Variants in CNTNAP2 observed in about 807,000 individuals in gnomAD.
The protein encoded by CNTNAP2 is contactin associated protein 2.
Under a neutral mutation model 155.2 loss-of-function variants are expected in CNTNAP2, and 98 were observed. That is an observed-to-expected ratio of 0.63 (90% CI 0.54 to 0.75). CNTNAP2 has a LOEUF of 0.75. Ranked by LOEUF, CNTNAP2 falls within the 30% of genes least tolerant of loss-of-function variation. CNTNAP2 has a pLI of 0.00. For synonymous variants in CNTNAP2, 651 were observed against 631.2 expected (o/e 1.03, Z -0.47); for missense variants, 1,727 against 1,688.1 (o/e 1.02, Z -0.40).
chr7:147,838,932 A>G (rs1296954616), intron 13 of CNTNAP2, among the ~76,000 whole-genome samples: 1 of 152,144 alleles, frequency 6.6e-6, no homozygotes, highest in Middle Eastern at 3.2e-3. Context: ...GATAGGATAG[A>G]CATATATATA....
At chr7:147,732,795 G>A (rs1367284538) in intron 13 of CNTNAP2, among the ~76,000 whole-genome samples, 1 of 152,176 alleles carries the variant, frequency 6.6e-6, no homozygotes, top group Admixed American at 6.5e-5. Context: ...CAGTGATGAT[G>A]AGCATTTTTT....
intron 1 of CNTNAP2, among the ~76,000 whole-genome samples, chr7:146,461,229 C>T (rs1470442567): frequency 1.3e-5 from 2 of 151,396 alleles, no homozygotes; most frequent in Admixed American, 6.6e-5. Context: ...GGTGAAACCC[C>T]GTCTCTACTA....
intron 13 of CNTNAP2, among the ~76,000 whole-genome samples, chr7:147,670,382 C>T: frequency 6.6e-6 from 1 of 152,094 alleles, no homozygotes; most frequent in Admixed American, 6.5e-5. Context: ...GGGTGGATCC[C>T]CAACAAAACC....
In CNTNAP2 at chr7:146,983,652, C is replaced by T. The variant is rs1323312807; in HGVS notation, c.403-60255C>T. Among the ~76,000 whole-genome samples the T allele has an allele frequency of 2.0e-5, 3 of 152,234 alleles. No individual in the cohort carries two copies. The East Asian group carries it at 5.8e-4, about 29-fold the overall frequency. On this transcript the variant is annotated intron_variant, in intron 3 of 23. Coordinates refer to ENST00000361727, the MANE Select transcript of CNTNAP2 (RefSeq NM_014141.6). ...GTACCCATAGTAAGCATGAGGGCTT[C>T]CATTGTTTTTCCATTTGGCGAGTTG...
chr7:146,573,581 T>G (rs1798475690), intron 1 of CNTNAP2, among the ~76,000 whole-genome samples: 1 of 152,174 alleles, frequency 6.6e-6, no homozygotes, highest in Non-Finnish European at 1.5e-5. Context: ...AATATCATAT[T>G]GAATAGTGTT....
intron 11 of CNTNAP2, among the ~76,000 whole-genome samples, chr7:147,491,994 G>T (rs1798617894): frequency 6.6e-6 from 1 of 152,150 alleles, no homozygotes; most frequent in Non-Finnish European, 1.5e-5. Context: ...ACTGAAATTT[G>T]TGAGAACTAT....
intron 14 of CNTNAP2, among the ~76,000 whole-genome samples, chr7:147,948,686 T>C (rs1369760462): frequency 6.6e-6 from 1 of 150,662 alleles, no homozygotes; most frequent in Non-Finnish European, 1.5e-5. Flanking sequence ...TGTGTATATA[T>C]ATACAGTTGA....
At chr7:146,118,038 A>G (rs769021093) in intron 1 of CNTNAP2, among the ~76,000 whole-genome samples, 1 of 152,230 alleles carries the variant, frequency 6.6e-6, no homozygotes, top group Non-Finnish European at 1.5e-5. Flanking sequence ...TATGCGAAGT[A>G]GTCTTTGTTT....
At chr7:147,172,333 G>A (rs540833548) in intron 8 of CNTNAP2, among the ~76,000 whole-genome samples, 5 of 152,200 alleles carry the variant, frequency 3.3e-5, no homozygotes, top group East Asian at 3.9e-4. Flanking sequence ...CAAAGGAAGG[G>A]TACAATTCTC....
chr7:147,044,519 A>G (rs11972979), intron 4 of CNTNAP2, among the ~76,000 whole-genome samples: 4,753 of 152,264 alleles, frequency 0.031, 90 homozygotes, highest in South Asian at 0.049. Context: ...TACTAAAGCC[A>G]ATCACTGGGT....
At chr7:147,152,210 T>C (rs1242923852) in intron 8 of CNTNAP2, among the ~76,000 whole-genome samples, 1 of 152,054 alleles carries the variant, frequency 6.6e-6, no homozygotes, top group Non-Finnish European at 1.5e-5. Flanking sequence ...TCAAAAATGT[T>C]ATAGTCAGAA....
chr7:146,682,616 C>T (rs758396003), intron 1 of CNTNAP2, among the ~76,000 whole-genome samples: 1 of 152,038 alleles, frequency 6.6e-6, no homozygotes, highest in Non-Finnish European at 1.5e-5. Flanking sequence ...TCAAGCAGTG[C>T]AAACCACAGA....
chr7:146,196,594 A>G (rs1184577343), intron 1 of CNTNAP2, among the ~76,000 whole-genome samples: 1 of 152,016 alleles, frequency 6.6e-6, no homozygotes, highest in Non-Finnish European at 1.5e-5. Flanking sequence ...AGAGAGAGAG[A>G]GAAAGAGAAA....
rs562311160 is a variant in CNTNAP2, at chr7:146,441,373, A to G, written c.97+324400A>G. On this transcript the variant is annotated intron_variant, in intron 1 of 23. Coordinates refer to ENST00000361727, the MANE Select transcript of CNTNAP2 (RefSeq NM_014141.6). The stretch of plus-strand genomic sequence containing the variant: ...GACAATTCATATGCAAGTTGTCCTC[A>G]AGTCATCTCTCTATGCGGTATCTCC... 7.3e-5 allele frequency among the ~76,000 whole-genome samples: 11 copies of G among 151,620 alleles called. No homozygotes were observed. The East Asian group carries it at 2.1e-3, about 29-fold the overall frequency.
At chr7:147,860,316 C>A (rs545864947) in intron 13 of CNTNAP2, among the ~76,000 whole-genome samples, 1 of 152,038 alleles carries the variant, frequency 6.6e-6, no homozygotes, top group Non-Finnish European at 1.5e-5. Flanking sequence ...TCCCAGTGTT[C>A]AGGAGGCTGA....
At chr7:147,946,299 T>G (rs1016151686) in intron 14 of CNTNAP2, among the ~76,000 whole-genome samples, 15 of 152,076 alleles carry the variant, frequency 9.9e-5, no homozygotes, top group African/African-American at 3.4e-4. Flanking sequence ...TGCTGCCATG[T>G]TTACTTTTTT....
At chr7:147,697,649 G>C (rs538271059) in intron 13 of CNTNAP2, among the ~76,000 whole-genome samples, 11 of 152,214 alleles carry the variant, frequency 7.2e-5, no homozygotes, top group African/African-American at 2.6e-4. Flanking sequence ...GACTTCACAA[G>C]TTTCCGCCAA....
At chr7:148,213,632 C>T (rs1252019993) in intron 18 of CNTNAP2, among the ~76,000 whole-genome samples, 2 of 152,084 alleles carry the variant, frequency 1.3e-5, no homozygotes, top group Non-Finnish European at 2.9e-5. Flanking sequence ...CCCGCCAGAG[C>T]CTGTTCTCAG....
intron 13 of CNTNAP2, among the ~76,000 whole-genome samples, chr7:147,793,943 C>G (rs983811502): frequency 6.6e-5 from 10 of 151,656 alleles, no homozygotes; most frequent in Non-Finnish European, 1.3e-4. Context: ...GGAATTTTCT[C>G]TTAGTTTTAT....
Sources: gnomAD v4.1 joint callset for allele counts (sites outside exome capture counted in the v4.1 genomes callset) on GRCh38, gnomAD v4.1.1 for gene constraint, MANE v1.5 for transcripts, NCBI Gene and HGNC (gene_info 2026-07-23, HGNC 2026-07-21) for gene names.